The following MVB12B variants were observed in gnomAD, a reference collection of about 807,000 sequenced individuals.
MVB12B encodes the protein ESCRT-I complex subunit MVB12B.
MVB12B carries 16 observed loss-of-function variants against 41.6 expected under a neutral mutation model. The ratio of observed to expected loss-of-function variants is 0.38; its 90% CI spans 0.26 to 0.58. The LOEUF (loss-of-function observed/expected upper bound fraction) is 0.58. Among genes scored for constraint, MVB12B ranks in the 20% least tolerant of loss-of-function variants. The pLI, the probability that MVB12B is intolerant of heterozygous loss-of-function variation, is 0.62. For synonymous variants in MVB12B, 133 were observed against 139.7 expected, an observed-to-expected ratio of 0.95 and a Z score of 0.34; for missense variants, 274 against 380.2, an observed-to-expected ratio of 0.72 and a Z score of 2.32.
At chr9:126,434,166 G>A (rs1375542474) in intron 7 of MVB12B, among the ~76,000 whole-genome samples, 2 of 152,086 alleles carry the variant, frequency 1.3e-5, no homozygotes, top group Non-Finnish European at 2.9e-5. Context: ...CACACAGTTG[G>A]TGTTTGTGCC....
At chr9:126,494,557 C>T (rs1171414566) in intron 9 of MVB12B, among the ~76,000 whole-genome samples, 2 of 152,194 alleles carry the variant, frequency 1.3e-5, no homozygotes, top group African/African-American at 2.4e-5. Flanking sequence ...GAGGATTTTC[C>T]TACCCTTTTC....
chr9:126,464,275 G>A (rs1833149341), intron 7 of MVB12B, among the ~76,000 whole-genome samples: 1 of 152,204 alleles, frequency 6.6e-6, no homozygotes, highest in Admixed American at 6.5e-5. Context: ...AGGTATATAG[G>A]AAAGGACTCT....
intron 2 of MVB12B, among the ~76,000 whole-genome samples, chr9:126,372,324 G>C (rs1019768502): frequency 6.6e-6 from 1 of 152,178 alleles, no homozygotes; most frequent in African/African-American, 2.4e-5. Flanking sequence ...AAAACATGCT[G>C]TCATGAACAT....
intron 7 of MVB12B, among the ~76,000 whole-genome samples, chr9:126,461,239 C>T (rs1374737220): frequency 6.6e-6 from 1 of 152,280 alleles, no homozygotes. Flanking sequence ...ACCCCCACAA[C>T]CGCCGAAGGC....
chr9:126,494,947 T>C (rs1411115128), intron 9 of MVB12B, among the ~76,000 whole-genome samples: 1 of 150,230 alleles, frequency 6.7e-6, no homozygotes, highest in African/African-American at 2.4e-5. Flanking sequence ...ATCCCAGCCC[T>C]TTGCCAAACC....
chr9:126,371,365 A>G (rs1330183305), intron 2 of MVB12B, among the ~76,000 whole-genome samples: 1 of 152,150 alleles, frequency 6.6e-6, no homozygotes, highest in Non-Finnish European at 1.5e-5. Context: ...TGCCCTGCCT[A>G]TGTGTATCTC....
intron 6 of MVB12B, chr9:126,397,043 C>T (rs1414632921): frequency 1.0e-6 from 1 of 985,432 alleles, no homozygotes; most frequent in African/African-American, 1.7e-5. Context: ...CAGCTAAGTC[C>T]ATCACCTGTG....
chr9:126,457,607 G>A (rs989060563), intron 7 of MVB12B, among the ~76,000 whole-genome samples: 1 of 152,158 alleles, frequency 6.6e-6, no homozygotes, highest in African/African-American at 2.4e-5. Context: ...ATCGGATGTT[G>A]GAGTCTCAGG....
At chr9:126,344,750 G>A (rs1829543529) in intron 2 of MVB12B, among the ~76,000 whole-genome samples, 1 of 152,242 alleles carries the variant, frequency 6.6e-6, no homozygotes, top group Non-Finnish European at 1.5e-5. Context: ...CAGGTCTGGA[G>A]GCTGGGAAGT....
chr9:126,471,943 A>G (rs1352627619), intron 7 of MVB12B, among the ~76,000 whole-genome samples: 1 of 151,442 alleles, frequency 6.6e-6, no homozygotes. Context: ...CTTTAAGCAG[A>G]TAACAATTGA....
chr9:126,329,251 G>A (rs1829063016), intron 1 of MVB12B, among the ~76,000 whole-genome samples: 1 of 152,172 alleles, frequency 6.6e-6, no homozygotes, highest in South Asian at 2.1e-4. Flanking sequence ...ATGTAAAAGT[G>A]TCTTAAGAAC....
chr9:126,422,732 TAATG>T (rs1832062793), intron 7 of MVB12B, among the ~76,000 whole-genome samples: 1 of 152,238 alleles, frequency 6.6e-6, no homozygotes, highest in Non-Finnish European at 1.5e-5. Context: ...TCATGTTCCA[TAATG>T]AATCGGTTAT....
intron 6 of MVB12B, among the ~76,000 whole-genome samples, chr9:126,407,418 G>T (rs1208167658): frequency 2.0e-5 from 3 of 152,134 alleles, no homozygotes; most frequent in Non-Finnish European, 4.4e-5. Context: ...TTCCTGTCAC[G>T]TTCAATAGGA....
intron 6 of MVB12B, among the ~76,000 whole-genome samples, chr9:126,402,609 T>C (rs375879305): frequency 6.6e-6 from 1 of 151,954 alleles, no homozygotes; most frequent in African/African-American, 2.4e-5. Flanking sequence ...GATTCCTCCA[T>C]TGCATTCCAG....
In MVB12B at chr9:126,386,599, T is replaced by A. The variant is rs768910687; in HGVS notation, c.350T>A (p.Ile117Asn). ...AACGTGTTAGTAGATATGAAGCTCATTGACATCAAGGACACACTGCCTGTG... is the reference window on the plus strand; with the variant it reads ...AACGTGTTAGTAGATATGAAGCTCAATGACATCAAGGACACACTGCCTGTG... ...LGNVLVDMKL[I>N]DIKDTLPVGF... is the part of the protein sequence containing the mutation. Residue 117 changes from isoleucine (I) to asparagine (N), a missense_variant, in exon 4 of 10, where the codon ATT (isoleucine) becomes AAT (asparagine). Ile to Asn is a moderately radical substitution (Grantham distance 149, BLOSUM62 -3). Transcript: ENST00000361171. This position sits in a 1 kb window ranked among gnomAD's most constrained non-coding sequence, Gnocchi z 4.3. 2 of 1,614,142 alleles carry A rather than the reference T, an allele frequency of 1.2e-6. No homozygotes were observed. Among genetic ancestry groups the A allele is most frequent in the South Asian group, 1.1e-5 (1 of 91,084 alleles).
At chr9:126,356,861 C>A (rs1179195595) in intron 2 of MVB12B, among the ~76,000 whole-genome samples, 1 of 152,052 alleles carries the variant, frequency 6.6e-6, no homozygotes, top group Non-Finnish European at 1.5e-5. Flanking sequence ...CCCACTTCAC[C>A]TTCCTCCATG....
Position 126,427,487 on chromosome 9 carries a change from G to A in MVB12B, c.757+5539G>A, listed in dbSNP as rs118077858. On this transcript the variant is annotated intron_variant, in intron 7 of 9. Coordinates refer to ENST00000361171, the MANE Select transcript of MVB12B (RefSeq NM_033446.3). ...AACCTAGGAGGGTTTTTTGTCTTAC[G>A]GCAGGTTTTGCTTAACAAACGGGAC... Among the ~76,000 whole-genome samples the A allele has an allele frequency of 4.2e-4, 64 of 152,168 alleles. No individual in the cohort carries two copies. The East Asian group carries it at 0.011, about 27-fold the overall frequency.
chr9:126,438,921 A>G (rs1832561939), intron 7 of MVB12B, among the ~76,000 whole-genome samples: 1 of 152,084 alleles, frequency 6.6e-6, no homozygotes, highest in Admixed American at 6.5e-5. Context: ...AATCCCGTGT[A>G]TGATACTCGA....
chr9:126,489,160 G>T (rs1833680734), intron 9 of MVB12B, among the ~76,000 whole-genome samples: 1 of 152,258 alleles, frequency 6.6e-6, no homozygotes, highest in African/African-American at 2.4e-5. Context: ...GAAGGGGAAT[G>T]AGCCCATTCA....
Sources: gnomAD v4.1 joint callset for allele counts (sites outside exome capture counted in the v4.1 genomes callset) on GRCh38, gnomAD v4.1.1 for gene constraint, Gnocchi (gnomAD v3.1) non-coding constraint, MANE v1.5 for transcripts, NCBI Gene and HGNC (gene_info 2026-07-23, HGNC 2026-07-21) for gene names.